The following BCAT1 variants were observed in gnomAD, a reference collection of about 807,000 sequenced individuals.
BCAT1 encodes branched-chain-amino-acid aminotransferase, cytosolic.
Under a neutral mutation model 52.4 loss-of-function variants are expected in BCAT1, and 48 were observed. The observed-to-expected ratio is 0.92, with a 90% CI of 0.73 to 1.16. BCAT1 has a LOEUF of 1.16. Ranked by LOEUF, BCAT1 falls within the 50% of genes most tolerant of loss-of-function variation. BCAT1 has a pLI of 0.00. For synonymous variants in BCAT1, 167 were observed against 161.3 expected, an observed-to-expected ratio of 1.04 and a Z score of -0.27; for missense variants, 451 against 457.1, an observed-to-expected ratio of 0.99 and a Z score of 0.12.
rs1260436128 is a variant in BCAT1 at position 24,815,502 on chromosome 12, G to A, written c.*2506C>T. On this transcript the variant is annotated 3_prime_UTR_variant, in exon 11 of 11. Transcript: ENST00000261192. ...ACTAAGTCTTGAAGAATGGATAATTGCCTAGTTATAATGTGGCACTCTTGC... is the reference window on the plus strand; with the variant it reads ...ACTAAGTCTTGAAGAATGGATAATTACCTAGTTATAATGTGGCACTCTTGC... 6.6e-6 allele frequency: 1 copy of A among 152,580 alleles called. No individual in the cohort carries two copies. The highest frequency in any genetic ancestry group is 1.9e-4 in the East Asian group (1 of 5,200). The allele number at this position is 152,580 out of a possible 1,614,324, so 9.5% of individuals were successfully genotyped here.
intron 8 of BCAT1, among the ~76,000 whole-genome samples, chr12:24,833,133 A>G (rs1940757854): frequency 6.6e-6 from 1 of 152,244 alleles, no homozygotes; most frequent in Non-Finnish European, 1.5e-5. Context: ...ACTTTAACAT[A>G]TGCCTTCTTT....
At chr12:24,825,763 C>T (rs914883243) in intron 10 of BCAT1, among the ~76,000 whole-genome samples, 3 of 152,110 alleles carry the variant, frequency 2.0e-5, no homozygotes, top group African/African-American at 7.2e-5. Context: ...AATCCCTTGT[C>T]AGATTGATAG....
chr12:24,902,042 C>T, intron 1 of BCAT1, 157 bp from the exon 2 acceptor site: 1 of 1,549,908 alleles, frequency 6.5e-7, no homozygotes, highest in Non-Finnish European at 8.7e-7. Flanking sequence ...CAGGCCCGAA[C>T]CTCCAACAAG....
intron 7 of BCAT1, among the ~76,000 whole-genome samples, chr12:24,837,372 C>T (rs1941023753): frequency 6.6e-6 from 1 of 151,884 alleles, no homozygotes; most frequent in Admixed American, 6.6e-5. Context: ...AGGAGGCTAT[C>T]CCCAAGAAGT....
rs572302406 is a variant in BCAT1, at chr12:24,854,453, A to T, written c.511-4504T>A. Among the ~76,000 whole-genome samples the T allele has an allele frequency of 3.9e-5, 6 of 152,226 alleles. No individual in the cohort carries two copies. The South Asian group carries it at 1.2e-3, about 32-fold the overall frequency. On this transcript the variant is annotated intron_variant, in intron 5 of 10. Transcript: ENST00000261192. ...AAAAAACTACTGCCAGTTGTTTTGAAAGAAGTTTAAATTGTTAAAGGGGAA... is the reference window on the plus strand; with the variant it reads ...AAAAAACTACTGCCAGTTGTTTTGATAGAAGTTTAAATTGTTAAAGGGGAA...
intron 8 of BCAT1, among the ~76,000 whole-genome samples, chr12:24,835,596 A>C: frequency 8.8e-6 from 1 of 113,574 alleles, no homozygotes. Flanking sequence ...TATTTATTTA[A>C]TTTACTTTTA....
At chr12:24,907,006 C>T (rs999106917) in intron 1 of BCAT1, among the ~76,000 whole-genome samples, 2 of 152,242 alleles carry the variant, frequency 1.3e-5, no homozygotes, top group South Asian at 2.1e-4. Flanking sequence ...CAAGGCTTCA[C>T]ATCACCCATT....
chr12:24,868,818 G>T (rs1393160217), intron 5 of BCAT1, among the ~76,000 whole-genome samples: 1 of 152,118 alleles, frequency 6.6e-6, no homozygotes, highest in Non-Finnish European at 1.5e-5. Context: ...TTCATCAAAA[G>T]ATATCAGTAA....
chr12:24,821,396 C>G (rs926067140), intron 10 of BCAT1, among the ~76,000 whole-genome samples: 2 of 152,122 alleles, frequency 1.3e-5, no homozygotes, highest in African/African-American at 2.4e-5. Context: ...TCAACAGCAG[C>G]AATGCTGATT....
At chr12:24,851,482 C>T (rs888163054) in intron 5 of BCAT1, among the ~76,000 whole-genome samples, 6 of 152,208 alleles carry the variant, frequency 3.9e-5, no homozygotes, top group Non-Finnish European at 7.3e-5. Context: ...TACACAAGCA[C>T]ACACCAATGC....
At chr12:24,858,930 T>C (rs940551556) in intron 5 of BCAT1, among the ~76,000 whole-genome samples, 5 of 152,230 alleles carry the variant, frequency 3.3e-5, no homozygotes, top group African/African-American at 1.2e-4. Flanking sequence ...TAAAAGAAAT[T>C]CTGTGTGTTA....
chr12:24,837,010 GAAGA>G (rs1940992153), intron 7 of BCAT1, among the ~76,000 whole-genome samples: 1 of 123,924 alleles, frequency 8.1e-6, no homozygotes, highest in Non-Finnish European at 1.7e-5. Flanking sequence ...ACGAAGGAAG[GAAGA>G]AAGAAAAAAG....
chr12:24,868,388 T>C (rs1017639005), intron 5 of BCAT1, among the ~76,000 whole-genome samples: 1 of 152,080 alleles, frequency 6.6e-6, no homozygotes, highest in African/African-American at 2.4e-5. Context: ...CCAAGACAAA[T>C]TTTAAGTGCA....
intron 5 of BCAT1, among the ~76,000 whole-genome samples, chr12:24,872,301 A>G (rs542209602): frequency 5.9e-5 from 9 of 152,336 alleles, no homozygotes; most frequent in African/African-American, 2.2e-4. Context: ...GTGAACCAGA[A>G]ATGAAGGAGT....
intron 5 of BCAT1, among the ~76,000 whole-genome samples, chr12:24,870,074 GA>G (rs1304561157): frequency 6.6e-6 from 1 of 152,046 alleles, no homozygotes; most frequent in East Asian, 1.9e-4. Context: ...TGCTTGGAAG[GA>G]GATGAATTGT....
intron 1 of BCAT1, among the ~76,000 whole-genome samples, chr12:24,916,686 G>A (rs545583013): frequency 2.0e-5 from 3 of 152,078 alleles, no homozygotes; most frequent in South Asian, 2.1e-4. Context: ...GATTACAGGC[G>A]CCTGCCACCG....
intron 5 of BCAT1, among the ~76,000 whole-genome samples, chr12:24,859,249 C>T (rs1591814661): frequency 6.6e-6 from 1 of 152,202 alleles, no homozygotes; most frequent in African/African-American, 2.4e-5. Flanking sequence ...TTTTTGTTTG[C>T]CTTTTGAATA....
chr12:24,942,801 G>A (rs887085128), intron 1 of BCAT1, among the ~76,000 whole-genome samples: 95 of 152,324 alleles, frequency 6.2e-4, no homozygotes, highest in African/African-American at 2.2e-3. Context: ...GTTGAAGATC[G>A]AAGAAATTAG....
chr12:24,922,561 G>A (rs546273783), intron 1 of BCAT1, among the ~76,000 whole-genome samples: 1 of 152,120 alleles, frequency 6.6e-6, no homozygotes, highest in South Asian at 2.1e-4. Flanking sequence ...CAATACTTTC[G>A]ACTATAATTT....
Sources: gnomAD v4.1 joint callset for allele counts (sites outside exome capture counted in the v4.1 genomes callset) on GRCh38, gnomAD v4.1.1 for gene constraint, MANE v1.5 for transcripts, NCBI Gene and HGNC (gene_info 2026-07-23, HGNC 2026-07-21) for gene names.